The following DYNC2I1 variants were observed in gnomAD, a reference collection of about 807,000 sequenced individuals.
DYNC2I1 encodes dynein 2 intermediate chain 1, also known as cytoplasmic dynein 2 intermediate chain 1.
A neutral mutation model predicts 133.4 loss-of-function variants in DYNC2I1; 89 were observed. That is an observed-to-expected ratio of 0.67 (90% CI 0.56 to 0.80). The LOEUF (loss-of-function observed/expected upper bound fraction) is 0.80. Among genes scored for constraint, DYNC2I1 ranks in the 30% least tolerant of loss-of-function variants. The pLI, the probability that DYNC2I1 is intolerant of heterozygous loss-of-function variation, is 0.00. For synonymous variants in DYNC2I1, 504 were observed against 484.3 expected, an observed-to-expected ratio of 1.04 and a Z score of -0.54; for missense variants, 1,291 against 1,314.5, an observed-to-expected ratio of 0.98 and a Z score of 0.28.
At position 158,879,670 on chromosome 7, in the gene DYNC2I1, G is replaced by A; in HGVS notation, c.574-14G>A. The stretch of plus-strand genomic sequence containing the variant: ...GATGTGCTCCTGTGTTTCTCAGCTT[G>A]TCGTGTTTTACAGCTGCAGTACGGA... On this transcript the variant is annotated splice_polypyrimidine_tract_variant and intron_variant, in intron 4 of 24. Coordinates refer to ENST00000407559, the MANE Select transcript of DYNC2I1 (RefSeq NM_018051.5). The A allele has an allele frequency of 6.4e-7, 1 of 1,556,458 alleles. No individual in the cohort carries two copies. Among genetic ancestry groups the A allele is most frequent in the South Asian group, 1.2e-5 (1 of 80,922 alleles).
At chr7:158,953,776 A>G (rs1852122206) in intron 4 of DYNC2I1, among the ~76,000 whole-genome samples, 1 of 152,130 alleles carries the variant, frequency 6.6e-6, no homozygotes, top group Non-Finnish European at 1.5e-5. Context: ...TACCTGATGC[A>G]TCATAGGTTA....
Position 158,913,103 on chromosome 7 carries a change from T to G in DYNC2I1, c.1702+7T>G. The G allele has an allele frequency of 6.3e-7, 1 of 1,598,686 alleles. No homozygotes were observed. Among genetic ancestry groups the G allele is most frequent in the Non-Finnish European group, 8.6e-7 (1 of 1,167,756 alleles). On this transcript the variant is annotated splice_region_variant and intron_variant, in intron 13 of 24. Transcript: ENST00000407559. ...AGTACTGTTGTATCTGGAGGTAACA[T>G]CTTGCTCTTGAGTGTTGACCATTGA...
the DYNC2I1 span, among the ~76,000 whole-genome samples, chr7:158,847,848 G>A: frequency 6.6e-6 from 1 of 152,138 alleles, no homozygotes; most frequent in Non-Finnish European, 1.5e-5. Flanking sequence ...CAGTGTGGGG[G>A]AAAGGCAAAA....
At chr7:158,884,136 C>T (rs1844359021) in intron 5 of DYNC2I1, among the ~76,000 whole-genome samples, 1 of 151,234 alleles carries the variant, frequency 6.6e-6, no homozygotes, top group African/African-American at 2.4e-5. Flanking sequence ...GCTCCGCCTC[C>T]CGGGTTCACG....
intron 20 of DYNC2I1, among the ~76,000 whole-genome samples, chr7:158,929,499 C>T (rs60080125): frequency 6.6e-6 from 1 of 151,802 alleles, no homozygotes; most frequent in Admixed American, 6.6e-5. Context: ...TGGGAGGACC[C>T]GGCCAGAAAA....
chr7:158,855,024 G>C (rs1018920985), upstream of DYNC2I1, among the ~76,000 whole-genome samples: 1 of 152,232 alleles, frequency 6.6e-6, no homozygotes, highest in African/African-American at 2.4e-5. Context: ...ATTTGGAAGA[G>C]GGTGTTGGGC....
chr7:158,863,635 C>T (rs1277414847), intron 1 of DYNC2I1, among the ~76,000 whole-genome samples: 3 of 28,240 alleles, frequency 1.1e-4, no homozygotes, highest in Non-Finnish European at 1.8e-4. Flanking sequence ...TTGGGGGGGG[C>T]GGTGAGCGGG....
rs1021071947 is a variant in DYNC2I1 at position 158,891,188 on chromosome 7, G to A, written c.991-77G>A. On this transcript the variant is annotated intron_variant, in intron 7 of 24. Coordinates refer to ENST00000407559, the MANE Select transcript of DYNC2I1 (RefSeq NM_018051.5). ...GGCTGGCGGGCTCCGCAGTGGTGGG[G>A]TGGGGGGGAGCTGCGTGGCGTGTGC... 1.9e-5 allele frequency: 29 copies of A among 1,527,196 alleles called. No homozygotes were observed. In the African/African-American group the frequency reaches 3.6e-4, roughly 19 times the overall value. 94.6% of individuals were successfully genotyped at this position (1,527,196 alleles called of 1,614,324 possible). A position where few individuals can be genotyped will look rare whatever the true frequency, so the allele number is the denominator to read the frequency against.
At chr7:158,930,377 T>C (rs1850098121) in intron 20 of DYNC2I1, 78 bp from the exon 21 acceptor site, 3 of 1,235,548 alleles carry the variant, frequency 2.4e-6, no homozygotes, top group Non-Finnish European at 3.5e-6. Context: ...CAATGAAAAA[T>C]GATTCCAGGC....
Position 158,905,989 on chromosome 7 carries a change from A to G in DYNC2I1, c.1358A>G (p.Asp453Gly), listed in dbSNP as rs370846641. ...AATAGTGTTTTTCTCCCTCACACAG[A>G]TACAAACAGTTCCCCTTCCAGAGCC... ...RTEFEKEPRT[D>G]TNSSPSRASV... The change falls in exon 11 of 25, where the codon GAT becomes GGT. Residue 453 changes from aspartate to glycine, a missense_variant and splice_region_variant. Physicochemically the swap from Asp to Gly is moderately conservative, Grantham distance 94. Transcript: ENST00000407559. 1.5e-4 allele frequency: 240 copies of G among 1,613,370 alleles called. No homozygotes were observed. Among genetic ancestry groups the G allele is most frequent in the Non-Finnish European group, 1.9e-4 (227 of 1,179,576 alleles).
downstream of DYNC2I1, among the ~76,000 whole-genome samples, chr7:158,949,937 A>G (rs1852005396): frequency 6.6e-6 from 1 of 150,802 alleles, no homozygotes; most frequent in African/African-American, 2.4e-5. Context: ...ACACCTGGCT[A>G]ATTTTGTATT....
At chr7:158,889,852 A>G (rs1027722265) in intron 7 of DYNC2I1, among the ~76,000 whole-genome samples, 12 of 151,864 alleles carry the variant, frequency 7.9e-5, no homozygotes, top group African/African-American at 2.9e-4. Context: ...TCAAAATACA[A>G]AAATTAGCCG....
chr7:158,927,133 C>T (rs770017987), intron 20 of DYNC2I1, 90 bp downstream of exon 20: 2 of 913,844 alleles, frequency 2.2e-6, no homozygotes, highest in African/African-American at 1.7e-5. Context: ...TGCAGTGGCT[C>T]ACACCTGCTG....
At chr7:158,841,504 C>T in the DYNC2I1 span, among the ~76,000 whole-genome samples, 388 of 152,130 alleles carry the variant, frequency 2.6e-3, 10 homozygotes, top group South Asian at 0.04. Context: ...TAAGCCACCA[C>T]GCCCGGCCCC....
intron 23 of DYNC2I1, among the ~76,000 whole-genome samples, chr7:158,934,924 T>A (rs945953498): frequency 6.6e-6 from 1 of 152,156 alleles, no homozygotes; most frequent in Non-Finnish European, 1.5e-5. Flanking sequence ...TTATGGGGCG[T>A]CAGTGGTTTA....
intron 14 of DYNC2I1, among the ~76,000 whole-genome samples, chr7:158,917,626 C>T (rs1848594745): frequency 2.1e-5 from 3 of 143,176 alleles, no homozygotes; most frequent in Admixed American, 2.0e-4. Flanking sequence ...CACCTCCTGT[C>T]CTCCACACTC....
At chr7:158,876,264 G>A (rs1204312833) in intron 3 of DYNC2I1, among the ~76,000 whole-genome samples, 1 of 152,084 alleles carries the variant, frequency 6.6e-6, no homozygotes, top group Non-Finnish European at 1.5e-5. Flanking sequence ...AACTCACTCA[G>A]TATCACAAGA....
Position 158,945,697 on chromosome 7 carries a change from C to T in DYNC2I1, c.3119C>T (p.Ala1040Val), listed in dbSNP as rs78248905. ...IDIQHLKRRW[A>V]APEVDECNRL... ...ATCCAGCACCTGAAGAGGCGGTGGG[C>T]GGCCCCGGAGGTGGACGAGTGCAAC... is the stretch of plus-strand genomic sequence containing the variant. Residue 1040 changes from alanine (A) to valine (V), a missense_variant, in exon 25 of 25, where the codon GCG becomes GTG. Coordinates refer to ENST00000407559, the MANE Select transcript of DYNC2I1 (RefSeq NM_018051.5). The surrounding 1 kb of genome is among the most constrained non-coding windows in gnomAD (Gnocchi z 4.1). 16 of 1,611,210 alleles carry T rather than the reference C, an allele frequency of 9.9e-6. No homozygotes were observed. The highest frequency in any genetic ancestry group is 2.7e-5 in the African/African-American group (2 of 74,874).
chr7:158,848,761 A>G, the DYNC2I1 span, among the ~76,000 whole-genome samples: 1 of 152,102 alleles, frequency 6.6e-6, no homozygotes, highest in Non-Finnish European at 1.5e-5. Flanking sequence ...CATCTCTACT[A>G]AAAATACAAA....
Sources: gnomAD v4.1 joint callset for allele counts (sites outside exome capture counted in the v4.1 genomes callset) on GRCh38, gnomAD v4.1.1 for gene constraint, Gnocchi (gnomAD v3.1) non-coding constraint, MANE v1.5 for transcripts, NCBI Gene and HGNC (gene_info 2026-07-23, HGNC 2026-07-21) for gene names.